The following CPA5 variants were observed in gnomAD, a reference collection of about 807,000 sequenced individuals.
The protein encoded by CPA5 is carboxypeptidase A5, also known as testicular tissue protein Li 32.
Under a neutral mutation model 52.2 loss-of-function variants are expected in CPA5, and 38 were observed. The ratio of observed to expected loss-of-function variants is 0.73; its 90% CI spans 0.56 to 0.95. The LOEUF (loss-of-function observed/expected upper bound fraction) is 0.95, where lower values mean the gene tolerates loss of function less well. Among genes scored for constraint, CPA5 ranks in the 40% least tolerant of loss-of-function variants. The probability of loss-of-function intolerance (pLI) is 0.00; values close to 1 mark genes in which losing one functional copy is unlikely to be tolerated. For missense variants in CPA5, 519 were observed against 566.7 expected, an observed-to-expected ratio of 0.92 and a Z score of 0.86; for synonymous variants, 198 against 213.7, an observed-to-expected ratio of 0.93 and a Z score of 0.64.
At chr7:130,374,130 G>A in the CPA5 span, among the ~76,000 whole-genome samples, 2 of 152,196 alleles carry the variant, frequency 1.3e-5, no homozygotes, top group Non-Finnish European at 2.9e-5. Flanking sequence ...CCAGGCAGCA[G>A]GTCCACTTCC....
At chr7:130,362,754 T>C (rs1286114210) in intron 8 of CPA5, 130 bp from the exon 9 acceptor site, 7 of 657,474 alleles carry the variant, frequency 1.1e-5, no homozygotes, top group Non-Finnish European at 1.6e-5. Context: ...AAGCCTTTGG[T>C]TCTGCATAAA....
At chr7:130,363,351 G>T (rs1479398542) in intron 9 of CPA5, 68 bp from the exon 10 acceptor site, 3 of 1,358,718 alleles carry the variant, frequency 2.2e-6, no homozygotes, top group Non-Finnish European at 3.1e-6. Context: ...CATAGGCCAG[G>T]ATATCAGAGG....
At chr7:130,356,815 C>A (rs1795501299) in intron 5 of CPA5, among the ~76,000 whole-genome samples, 1 of 152,220 alleles carries the variant, frequency 6.6e-6, no homozygotes. Context: ...TTCACCCCAA[C>A]TTCAGGCTTC....
intron 5 of CPA5, among the ~76,000 whole-genome samples, chr7:130,353,792 A>T (rs992641581): frequency 5.9e-5 from 9 of 152,210 alleles, no homozygotes; most frequent in African/African-American, 1.7e-4. Context: ...TTATTACCTA[A>T]TCTCAAAACA....
chr7:130,362,586 A>G (rs781828350), intron 8 of CPA5, 47 bp downstream of exon 8: 3 of 1,377,680 alleles, frequency 2.2e-6, no homozygotes, highest in Non-Finnish European at 3.1e-6. Flanking sequence ...GGGGGCTGCA[A>G]CTGGGGGCAG....
In CPA5 at chr7:130,346,396, G is replaced by A. The variant is rs1794741166; in HGVS notation, c.-90G>A. The A allele has an allele frequency of 1.2e-5, 11 of 932,060 alleles. No homozygotes were observed. Among genetic ancestry groups the A allele is most frequent in the Non-Finnish European group, 1.8e-5 (11 of 615,098 alleles). The allele number at this position is 932,060 out of a possible 1,614,324, so 57.7% of individuals were successfully genotyped here. ...ACAGCCTAATGCTCTTTCTCAGGCTGGGCTTTCCAGCCTCTAGGTGCTGTG... is the reference window on the plus strand; with the variant it reads ...ACAGCCTAATGCTCTTTCTCAGGCTAGGCTTTCCAGCCTCTAGGTGCTGTG... On this transcript the variant is annotated 5_prime_UTR_variant, in exon 3 of 13. Transcript: ENST00000474905.
intron 10 of CPA5, among the ~76,000 whole-genome samples, chr7:130,365,036 T>C (rs1796001275): frequency 6.6e-6 from 1 of 152,242 alleles, no homozygotes; most frequent in African/African-American, 2.4e-5. Context: ...TAATCAGACC[T>C]ATAGGCTGGT....
chr7:130,373,285 TG>T, downstream of CPA5, among the ~76,000 whole-genome samples: 1 of 151,054 alleles, frequency 6.6e-6, no homozygotes, highest in South Asian at 2.1e-4. Flanking sequence ...TGCTTGCTGG[TG>T]GTTTTTTTTT....
rs1229063582 is a variant in CPA5, at chr7:130,365,939, CT to C, written c.839-1432del. Among the ~76,000 whole-genome samples the C allele has an allele frequency of 2.0e-5, 3 of 152,214 alleles. No individual in the cohort carries two copies. In the East Asian group the frequency reaches 5.8e-4, roughly 29 times the overall value. On this transcript the variant is annotated intron_variant, in intron 10 of 12. Coordinates refer to ENST00000474905, the MANE Select transcript of CPA5 (RefSeq NM_080385.5). ...CAGCCTGGGGGCTGCCTTTCACCCCCTAGCTCTGCCGGCACATCCCCTTCTA... is the reference window on the plus strand; with the variant it reads ...CAGCCTGGGGGCTGCCTTTCACCCCCAGCTCTGCCGGCACATCCCCTTCTA...
At chr7:130,363,024 G>C in intron 9 of CPA5, 30 bp downstream of exon 9, 1 of 1,373,556 alleles carries the variant, frequency 7.3e-7, no homozygotes, top group East Asian at 2.3e-5. Flanking sequence ...ATGGAAGGAG[G>C]GGGTCAGCTC....
At chr7:130,347,923 C>G (rs12532645) in intron 4 of CPA5, 76 bp downstream of exon 4, 68 of 1,161,484 alleles carry the variant, frequency 5.9e-5, no homozygotes, top group Non-Finnish European at 1.8e-5. Flanking sequence ...TGTCCTGCCC[C>G]CCTTTATCCC....
At chr7:130,351,028 C>A (rs1554403823) in intron 5 of CPA5, among the ~76,000 whole-genome samples, 1 of 152,228 alleles carries the variant, frequency 6.6e-6, no homozygotes, top group African/African-American at 2.4e-5. Flanking sequence ...GAACACAGAG[C>A]CTCCCGGAGC....
downstream of CPA5, among the ~76,000 whole-genome samples, chr7:130,372,451 C>G (rs1317920717): frequency 2.0e-5 from 3 of 152,210 alleles, no homozygotes; most frequent in African/African-American, 7.2e-5. Flanking sequence ...GGTGGGCAGT[C>G]CAGGGCTGGA....
Position 130,350,039 on chromosome 7 carries a change from A to C in CPA5, c.263A>C (p.Glu88Ala), listed in dbSNP as rs1554403504. ...GTGGATATGAGAGTTCCTTTCTCTG[A>C]ACTGAAAGACATCAAAGCTTATCTG... is the stretch of plus-strand genomic sequence containing the variant. ...LPVDMRVPFS[E>A]LKDIKAYLES... is the part of the protein sequence containing the mutation. The change falls in exon 5 of 13, where the codon GAA becomes GCA. Residue 88 changes from glutamate to alanine, a missense_variant. Physicochemically the swap from Glu to Ala is moderately radical, Grantham distance 107 (BLOSUM62 -1). Coordinates refer to ENST00000474905, the MANE Select transcript of CPA5 (RefSeq NM_080385.5). The C allele has an allele frequency of 6.2e-7, 1 of 1,614,080 alleles. No individual in the cohort carries two copies. The highest frequency in any genetic ancestry group is 2.2e-5 in the East Asian group (1 of 44,888).
Position 130,355,868 on chromosome 7 carries a change from G to A in CPA5, c.334-3721G>A, listed in dbSNP as rs1048305712. Among the ~76,000 whole-genome samples, 4 of 152,246 alleles carry A rather than the reference G, an allele frequency of 2.6e-5. No homozygotes were observed. The South Asian group carries it at 8.3e-4, about 31-fold the overall frequency. On this transcript the variant is annotated intron_variant, in intron 5 of 12. Coordinates refer to ENST00000474905, the MANE Select transcript of CPA5 (RefSeq NM_080385.5). ...CCGCACCCTCAGACTCCACTCTCAA[G>A]GCATCTGTCCCCTCAGTGGTCATCA...
intron 1 of CPA5, chr7:130,345,470 A>G (rs1236418203): frequency 6.6e-6 from 1 of 152,278 alleles, no homozygotes; most frequent in Non-Finnish European, 1.5e-5. Flanking sequence ...TCCTTCCAAC[A>G]TGACTGCTTT....
intron 5 of CPA5, among the ~76,000 whole-genome samples, chr7:130,354,298 T>C (rs1795349723): frequency 6.6e-6 from 1 of 152,234 alleles, no homozygotes; most frequent in East Asian, 1.9e-4. Context: ...CATTTCACTC[T>C]TGTTGACATT....
chr7:130,361,004 G>T, intron 6 of CPA5, 139 bp from the exon 7 acceptor site: 1 of 611,250 alleles, frequency 1.6e-6, no homozygotes, highest in Non-Finnish European at 2.9e-6. Context: ...CTTTATCTGG[G>T]TTCTTTTAGA....
intron 5 of CPA5, among the ~76,000 whole-genome samples, chr7:130,357,313 G>A (rs563708108): frequency 6.6e-6 from 1 of 152,064 alleles, no homozygotes; most frequent in African/African-American, 2.4e-5. Flanking sequence ...TCTTCCTGAC[G>A]GGGGTGGAAG....
Sources: gnomAD v4.1 joint callset for allele counts (sites outside exome capture counted in the v4.1 genomes callset) on GRCh38, gnomAD v4.1.1 for gene constraint, MANE v1.5 for transcripts, NCBI Gene and HGNC (gene_info 2026-07-23, HGNC 2026-07-21) for gene names.